Variants in GOLGB1 observed in about 807,000 individuals in gnomAD.
GOLGB1 encodes the protein golgin B1.
GOLGB1 carries 174 observed loss-of-function variants against 336.9 expected under a neutral mutation model. That is an observed-to-expected ratio of 0.52 (90% CI 0.46 to 0.59). GOLGB1 has a LOEUF of 0.59. Among genes scored for constraint, GOLGB1 ranks in the 20% least tolerant of loss-of-function variants. The pLI is 0.00. For missense variants in GOLGB1, 3,331 were observed against 3,645.3 expected, an observed-to-expected ratio of 0.91 and a Z score of 2.22; for synonymous variants, 1,208 against 1,289.2, an observed-to-expected ratio of 0.94 and a Z score of 1.35.
At chr3:121,686,142 C>A (rs1156632008) in intron 14 of GOLGB1, among the ~76,000 whole-genome samples, 1 of 152,232 alleles carries the variant, frequency 6.6e-6, no homozygotes, top group Non-Finnish European at 1.5e-5. Flanking sequence ...TGTTTCACAA[C>A]TGCACAGTGT....
At chr3:121,688,901 T>C in intron 14 of GOLGB1, among the ~76,000 whole-genome samples, 1 of 147,564 alleles carries the variant, frequency 6.8e-6, no homozygotes, top group African/African-American at 2.6e-5. Context: ...GAGGAGACCC[T>C]CCGCCTGGCA....
intron 17 of GOLGB1, 131 bp from the exon 18 acceptor site, chr3:121,669,486 T>C (rs1939188441): frequency 6.3e-6 from 4 of 635,442 alleles, no homozygotes; most frequent in Non-Finnish European, 1.1e-5. Flanking sequence ...AATAGCACTT[T>C]GTGTGCCTTC....
chr3:121,707,937 A>T (rs2108002914), intron 10 of GOLGB1, among the ~76,000 whole-genome samples: 1 of 152,358 alleles, frequency 6.6e-6, no homozygotes, highest in African/African-American at 2.4e-5. Context: ...TGGTAACTGC[A>T]ATGGTAGTTA....
At position 121,744,940 on chromosome 3, in the gene GOLGB1, A is replaced by G. The variant is rs143750276; in HGVS notation, c.-3+4692T>C. Among the ~76,000 whole-genome samples the G allele has an allele frequency of 9.2e-5, 14 of 152,310 alleles. No individual in the cohort carries two copies. In the East Asian group the frequency reaches 2.7e-3, roughly 29 times the overall value. On this transcript the variant is annotated intron_variant, in intron 1 of 21. Coordinates refer to ENST00000614479, the MANE Select transcript of GOLGB1 (RefSeq NM_001366282.2). ...CTCAATAAGAAGCTGCATCATAGTGAGTAAGTCACCTTAAAGCGTCAGTTT... is the reference window on the plus strand; with the variant it reads ...CTCAATAAGAAGCTGCATCATAGTGGGTAAGTCACCTTAAAGCGTCAGTTT...
intron 5 of GOLGB1, among the ~76,000 whole-genome samples, chr3:121,724,806 C>T (rs996121537): frequency 3.9e-5 from 6 of 152,192 alleles, no homozygotes; most frequent in Non-Finnish European, 8.8e-5. Flanking sequence ...CCTAAGAGGA[C>T]AGAATGGTTT....
Position 121,695,221 on chromosome 3 carries a change from T to A in GOLGB1, c.5302A>T (p.Ile1768Leu), listed in dbSNP as rs1942834129. 6.2e-7 allele frequency: 1 copy of A among 1,613,534 alleles called. No individual in the cohort carries two copies. Among genetic ancestry groups the A allele is most frequent in the Non-Finnish European group, 8.5e-7 (1 of 1,179,930 alleles). The change falls in exon 13 of 22, where the codon ATA becomes TTA. Residue 1768 changes from isoleucine to leucine, a missense_variant. By Grantham distance (5) the Ile-to-Leu change is conservative (BLOSUM62 2). Transcript: ENST00000614479. ...SEEVQDLKHQ[I>L]EGNVSKQANL... ...GCTTGTTTAGATACATTACCTTCTA[T>A]CTGATGCTTTAAATCTTGAACCTCT...
At chr3:121,678,308 A>C (rs1435574583) in intron 15 of GOLGB1, among the ~76,000 whole-genome samples, 3 of 152,198 alleles carry the variant, frequency 2.0e-5, no homozygotes, top group East Asian at 3.9e-4. Context: ...TTGCTATATC[A>C]ATGTTGCTTA....
chr3:121,666,984 C>T (rs1290044413), intron 20 of GOLGB1, among the ~76,000 whole-genome samples: 1 of 152,184 alleles, frequency 6.6e-6, no homozygotes, highest in Non-Finnish European at 1.5e-5. Flanking sequence ...GGAGGTCTAC[C>T]TTGGCCCAAC....
At chr3:121,666,471 C>T (rs1938630460) in intron 20 of GOLGB1, among the ~76,000 whole-genome samples, 1 of 152,094 alleles carries the variant, frequency 6.6e-6, no homozygotes, top group South Asian at 2.1e-4. Context: ...GGGCACAGGC[C>T]TGAAAATGCT....
intron 1 of GOLGB1, among the ~76,000 whole-genome samples, chr3:121,738,492 G>A (rs755525185): frequency 3.9e-5 from 6 of 152,172 alleles, no homozygotes; most frequent in Non-Finnish European, 8.8e-5. Context: ...GTGTTCAACT[G>A]GGAGGAAATT....
intron 10 of GOLGB1, among the ~76,000 whole-genome samples, chr3:121,707,239 A>AAC (rs1257508862): frequency 2.0e-5 from 3 of 151,128 alleles, no homozygotes; most frequent in Non-Finnish European, 4.4e-5. Context: ...AAAAAAAAAA[A>AAC]AAACAAAAAT....
At position 121,665,045 on chromosome 3, in the gene GOLGB1, A is replaced by C; in HGVS notation, c.9555-14T>G. 7.0e-7 allele frequency: 1 copy of C among 1,434,254 alleles called. No individual in the cohort carries two copies. The highest frequency in any genetic ancestry group is 9.8e-7 in the Non-Finnish European group (1 of 1,015,970). The allele number at this position is 1,434,254 out of a possible 1,614,324, so 88.8% of individuals were successfully genotyped here. On this transcript the variant is annotated splice_polypyrimidine_tract_variant and intron_variant, in intron 20 of 21. Transcript: ENST00000614479. ...CTGTGCTCTAACCTGAGTTGAGAAA[A>C]AAAAGAGGCATAGCATTGGTTCATA...
intron 14 of GOLGB1, among the ~76,000 whole-genome samples, chr3:121,688,191 TGGTCTCCCTCTCCCTCTCTTTCCAC>T (rs1048247399): frequency 3.9e-5 from 6 of 152,070 alleles, no homozygotes; most frequent in African/African-American, 9.7e-5. Flanking sequence ...TCTCTCCCCA[TGGTCTCCCTCTCCCTCTCTTTCCAC>T]GGTCTCCCTC....
chr3:121,682,120 T>A lies in GOLGB1; in HGVS notation c.8695-255A>T, dbSNP rs571262773. On this transcript the variant is annotated intron_variant, in intron 14 of 21. Transcript: ENST00000614479. ...TTCCTGCAACTTCTACTCCTTCCCC[T>A]GGCTCCTAAGGTCCTAAGTTCACTT... Among the ~76,000 whole-genome samples, 11 of 152,336 alleles carry A rather than the reference T, an allele frequency of 7.2e-5. No homozygotes were observed. In the East Asian group the frequency reaches 1.9e-3, roughly 27 times the overall value.
Position 121,681,872 on chromosome 3 carries a change from C to G in GOLGB1, c.8695-7G>C. On this transcript the variant is annotated splice_polypyrimidine_tract_variant and splice_region_variant and intron_variant, in intron 14 of 21. Transcript: ENST00000614479. ...GATTCTTCAATTCCTTCAGCTTTAA[C>G]CAAAGGGAAAGTAAAATGATTATTT... 6.3e-7 allele frequency: 1 copy of G among 1,579,922 alleles called. No homozygotes were observed. The highest frequency in any genetic ancestry group is 1.3e-5 in the African/African-American group (1 of 74,144).
In GOLGB1 at chr3:121,729,856, C is replaced by T. The variant is rs1576454196; in HGVS notation, c.249+9G>A. On this transcript the variant is annotated intron_variant, in intron 3 of 21. Transcript: ENST00000614479. The stretch of plus-strand genomic sequence containing the variant: ...AATGCTCCACAAGAAAGGATAAAAA[C>T]AATAGTACCTGTAGAGCTTCATCTT... 9 of 1,598,708 alleles carry T rather than the reference C, an allele frequency of 5.6e-6. No individual in the cohort carries two copies. Among genetic ancestry groups the T allele is most frequent in the Non-Finnish European group, 7.7e-6 (9 of 1,170,050 alleles).
intron 8 of GOLGB1, among the ~76,000 whole-genome samples, chr3:121,718,036 C>A (rs930776584): frequency 1.2e-4 from 18 of 152,088 alleles, no homozygotes; most frequent in African/African-American, 4.3e-4. Flanking sequence ...CTTGTGGTGT[C>A]ATGTTGGTGC....
chr3:121,716,119 T>C (rs546741226), intron 9 of GOLGB1, among the ~76,000 whole-genome samples: 52 of 152,208 alleles, frequency 3.4e-4, no homozygotes, highest in Non-Finnish European at 6.6e-4. Flanking sequence ...AGGTTATAAT[T>C]TGGGGAAGAG....
chr3:121,691,415 C>T lies in GOLGB1; in HGVS notation c.7949G>A (p.Ser2650Asn), dbSNP rs775610810. 3.1e-6 allele frequency: 5 copies of T among 1,613,806 alleles called. 1 individual carries two copies. The South Asian group carries it at 5.5e-5, about 18-fold the overall frequency. The change falls in exon 14 of 22, where the codon AGT (serine) becomes AAT (asparagine). Residue 2650 changes from serine to asparagine, a missense_variant. Transcript: ENST00000614479. ...KVKEEEVHRL[S>N]ALFSSSQKRI... ...CTTTTGAGAGGAGGAAAACAAAGCA[C>T]TTAACCTGTGTACCTCTTCTTCTTT...
Sources: allele counts gnomAD v4.1 joint callset (sites outside exome capture counted in the v4.1 genomes callset), GRCh38; gene constraint gnomAD v4.1.1; transcripts MANE v1.5; gene names NCBI Gene and HGNC (gene_info 2026-07-23, HGNC 2026-07-21).